RBMS3: variants seen among roughly 807,000 people sequenced by gnomAD.
The protein encoded by RBMS3 is RNA binding motif single stranded interacting protein 3, also known as RNA-binding motif, single-stranded-interacting protein 3.
Under a neutral mutation model 66.8 loss-of-function variants are expected in RBMS3, and 27 were observed. The observed-to-expected ratio is 0.40, with a 90% confidence interval of 0.30 to 0.56. RBMS3 has a LOEUF of 0.56. RBMS3 is among the 20% of genes least tolerant of loss of function. The probability of loss-of-function intolerance (pLI) is 0.40; values close to 1 mark genes in which losing one functional copy is unlikely to be tolerated. For missense variants in RBMS3, 513 were observed against 549.5 expected, an observed-to-expected ratio of 0.93 and a Z score of 0.66; for synonymous variants, 188 against 183.0, an observed-to-expected ratio of 1.03 and a Z score of -0.22.
intron 3 of RBMS3, among the ~76,000 whole-genome samples, chr3:29,502,763 A>T (rs969636686): frequency 6.6e-6 from 1 of 152,126 alleles, no homozygotes; most frequent in African/African-American, 2.4e-5. Context: ...TTAACTTTAA[A>T]GTGAGCTGCA....
chr3:29,872,002 A>G (rs7635503), intron 7 of RBMS3, among the ~76,000 whole-genome samples: 46,554 of 151,986 alleles, frequency 0.31, 9,795 homozygotes, highest in African/African-American at 0.61. Context: ...GCCATGTTCT[A>G]CATAAGTGAA....
chr3:29,980,353 C>T (rs9757676), intron 12 of RBMS3, among the ~76,000 whole-genome samples: 36,618 of 151,988 alleles, frequency 0.24, 4,711 homozygotes, highest in East Asian at 0.34. Context: ...GATGGATAGA[C>T]TGCAAAAATT....
intron 3 of RBMS3, among the ~76,000 whole-genome samples, chr3:29,491,583 A>G (rs1454629659): frequency 6.6e-6 from 1 of 152,192 alleles, no homozygotes; most frequent in East Asian, 1.9e-4. Context: ...ATAAATATGG[A>G]AGAAGAAAAG....
intron 4 of RBMS3, among the ~76,000 whole-genome samples, chr3:29,669,835 G>A (rs1307958514): frequency 6.6e-6 from 1 of 152,142 alleles, no homozygotes; most frequent in Non-Finnish European, 1.5e-5. Context: ...TGGGGCGACT[G>A]CACACATGAG....
At chr3:29,934,957 G>A (rs896615219) in intron 10 of RBMS3, among the ~76,000 whole-genome samples, 3 of 152,042 alleles carry the variant, frequency 2.0e-5, no homozygotes, top group African/African-American at 7.2e-5. Flanking sequence ...CCGAGATCTG[G>A]CCATCTACAT....
intron 2 of RBMS3, among the ~76,000 whole-genome samples, chr3:29,442,553 A>G (rs1406478365): frequency 6.6e-6 from 1 of 152,140 alleles, no homozygotes; most frequent in Admixed American, 6.6e-5. Context: ...GAGATGTAAA[A>G]AGATGTGATC....
intron 6 of RBMS3, among the ~76,000 whole-genome samples, chr3:29,778,538 G>C (rs1021792010): frequency 6.6e-6 from 1 of 151,550 alleles, no homozygotes; most frequent in African/African-American, 2.4e-5. Context: ...TAGGGAAAAA[G>C]AAACTGTTCC....
intron 1 of RBMS3, among the ~76,000 whole-genome samples, chr3:29,354,322 A>T (rs2037090894): frequency 6.6e-6 from 1 of 152,130 alleles, no homozygotes; most frequent in Non-Finnish European, 1.5e-5. Context: ...TATGCCCATA[A>T]ATATTCATGC....
chr3:29,391,963 G>C (rs1017153443), intron 1 of RBMS3, among the ~76,000 whole-genome samples: 1 of 152,032 alleles, frequency 6.6e-6, no homozygotes. Flanking sequence ...TTAAGAAAAC[G>C]TAGAGGCCTG....
At chr3:29,292,246 C>T (rs765139773) in intron 1 of RBMS3, among the ~76,000 whole-genome samples, 3 of 151,550 alleles carry the variant, frequency 2.0e-5, no homozygotes, top group Non-Finnish European at 4.4e-5. Context: ...AAAACCTTAA[C>T]GATTATTTTA....
Position 29,370,844 on chromosome 3 carries a change from T to A in RBMS3, c.76-63899T>A, listed in dbSNP as rs2038161738. Among the ~76,000 whole-genome samples, 3 of 152,032 alleles carry A rather than the reference T, an allele frequency of 2.0e-5. No individual in the cohort carries two copies. In the South Asian group the frequency reaches 6.2e-4, roughly 32 times the overall value. ...GATTAGAATTCAGTCTGGGCTGGAGTGATGAGAATGCTGTTTACTGATGTC... is the reference window on the plus strand; with the variant it reads ...GATTAGAATTCAGTCTGGGCTGGAGAGATGAGAATGCTGTTTACTGATGTC... On this transcript the variant is annotated intron_variant, in intron 1 of 14. Transcript: ENST00000383767.
chr3:29,779,626 A>G (rs1483586914), intron 6 of RBMS3, among the ~76,000 whole-genome samples: 1 of 149,436 alleles, frequency 6.7e-6, no homozygotes, highest in Non-Finnish European at 1.5e-5. Flanking sequence ...GGTTACAAGG[A>G]AGCTGCAAAT....
intron 10 of RBMS3, among the ~76,000 whole-genome samples, chr3:29,929,321 A>C (rs2061043012): frequency 6.6e-6 from 1 of 152,234 alleles, no homozygotes; most frequent in African/African-American, 2.4e-5. Context: ...TTGTTTCTGT[A>C]GTTTTAGGCA....
At chr3:29,310,256 GA>G (rs2034291200) in intron 1 of RBMS3, among the ~76,000 whole-genome samples, 1 of 151,660 alleles carries the variant, frequency 6.6e-6, no homozygotes, top group African/African-American at 2.4e-5. Flanking sequence ...GATCATGTCT[GA>G]AAACTTTAAT....
At chr3:29,387,365 C>T (rs1441578368) in intron 1 of RBMS3, among the ~76,000 whole-genome samples, 1 of 152,226 alleles carries the variant, frequency 6.6e-6, no homozygotes, top group Non-Finnish European at 1.5e-5. Flanking sequence ...ACAACTCCAT[C>T]CTTCTCACTG....
intron 12 of RBMS3, among the ~76,000 whole-genome samples, chr3:29,973,298 G>C (rs916446431): frequency 6.6e-6 from 1 of 152,000 alleles, no homozygotes; most frequent in South Asian, 2.1e-4. Flanking sequence ...TAAGAAGAAA[G>C]TAGTAACAAT....
chr3:29,930,109 C>CTTTCTTTTTTTTTTTTTTTTTTTTTTTT (rs71091082), intron 10 of RBMS3, among the ~76,000 whole-genome samples: 1 of 43,556 alleles, frequency 2.3e-5, no homozygotes, highest in Non-Finnish European at 5.2e-5. Context: ...TTCTTTCTTT[C>CTTTCTTTTTTTTTTTTTTTTTTTTTTTT]TTTTTTTTTT....
chr3:29,893,275 G>A (rs2060047524), intron 8 of RBMS3, among the ~76,000 whole-genome samples: 1 of 151,454 alleles, frequency 6.6e-6, no homozygotes, highest in Non-Finnish European at 1.5e-5. Flanking sequence ...GGACAAAAAT[G>A]CATTAAATTT....
intron 2 of RBMS3, among the ~76,000 whole-genome samples, chr3:29,447,427 T>C (rs2041871175): frequency 6.6e-6 from 1 of 152,176 alleles, no homozygotes; most frequent in Admixed American, 6.5e-5. Context: ...GTCACATCAT[T>C]ATGAGGGCCA....
Sources: gnomAD v4.1 joint callset for allele counts (sites outside exome capture counted in the v4.1 genomes callset) on GRCh38, gnomAD v4.1.1 for gene constraint, MANE v1.5 for transcripts, NCBI Gene and HGNC (gene_info 2026-07-23, HGNC 2026-07-21) for gene names.